Variants in ZYG11B observed in about 807,000 individuals in gnomAD.
ZYG11B encodes zyg-11 family member B, cell cycle regulator.
In ZYG11B, 36 loss-of-function variants were observed where a neutral mutation model predicts 82.4. The observed-to-expected ratio is 0.44, with a 90% CI of 0.33 to 0.58. The LOEUF (loss-of-function observed/expected upper bound fraction) is 0.58, where lower values mean the gene tolerates loss of function less well. ZYG11B is among the 20% of genes least tolerant of loss of function. ZYG11B has a pLI of 0.02. For missense variants in ZYG11B, 552 were observed against 895.6 expected, an observed-to-expected ratio of 0.62 and a Z score of 4.90; for synonymous variants, 303 against 312.8, an observed-to-expected ratio of 0.97 and a Z score of 0.33.
intron 1 of ZYG11B, among the ~76,000 whole-genome samples, chr1:52,749,878 G>T (rs1032503736): frequency 1.3e-5 from 2 of 152,028 alleles, no homozygotes; most frequent in Non-Finnish European, 2.9e-5. Context: ...ATACAGAGTT[G>T]ATATTTCCCT....
chr1:52,742,890 G>T (rs7542570), intron 1 of ZYG11B, among the ~76,000 whole-genome samples: 49,537 of 150,654 alleles, frequency 0.33, 9,903 homozygotes, highest in Admixed American at 0.46. Flanking sequence ...TAAAAGTTCT[G>T]GGGGGCAGCC....
Position 52,790,579 on chromosome 1 carries a change from G to T in ZYG11B, c.1334+512G>T, listed in dbSNP as rs367713902. 1.4e-4 allele frequency among the ~76,000 whole-genome samples: 21 copies of T among 152,182 alleles called. No individual in the cohort carries two copies. In the East Asian group the frequency reaches 2.9e-3, roughly 21 times the overall value. On this transcript the variant is annotated intron_variant, in intron 6 of 13. Coordinates refer to ENST00000294353, the MANE Select transcript of ZYG11B (RefSeq NM_024646.3). ...TACTAAAGATACAAAAAATTAGCCAGGTGTGGTGGCGCACGCCTGGAATCC... is the reference window on the plus strand; with the variant it reads ...TACTAAAGATACAAAAAATTAGCCATGTGTGGTGGCGCACGCCTGGAATCC...
intron 3 of ZYG11B, among the ~76,000 whole-genome samples, chr1:52,776,229 A>AAAAAAAAAATATATACATATATAT: frequency 8.5e-5 from 2 of 23,536 alleles, no homozygotes; most frequent in Admixed American, 8.1e-4. Flanking sequence ...TAAAAAAAAA[A>AAAAAAAAAATATATACATATATAT]ATATATATAT....
At position 52,821,827 on chromosome 1, in the gene ZYG11B, G is replaced by T. The variant is rs2149970012; in HGVS notation, c.*198G>T. Reference sequence around the variant, plus strand: ...GATTTTAAACTTATGAGTCAAGAAGGGTCTCTTCCTTTATCATTGCCTTTT... The same window carrying T: ...GATTTTAAACTTATGAGTCAAGAAGTGTCTCTTCCTTTATCATTGCCTTTT... On this transcript the variant is annotated 3_prime_UTR_variant, in exon 14 of 14. Transcript: ENST00000294353. 4.6e-6 allele frequency: 2 copies of T among 436,642 alleles called. No individual in the cohort carries two copies. The highest frequency in any genetic ancestry group is 8.0e-6 in the Non-Finnish European group (2 of 250,914). 27.0% of individuals were successfully genotyped at this position (436,642 alleles called of 1,614,324 possible). A position where few individuals can be genotyped will look rare whatever the true frequency, so the allele number is the denominator to read the frequency against.
intron 5 of ZYG11B, among the ~76,000 whole-genome samples, chr1:52,789,377 G>A (rs1644937326): frequency 6.6e-6 from 1 of 151,966 alleles, no homozygotes; most frequent in African/African-American, 2.4e-5. Context: ...AAAAATTTTA[G>A]TAGTATATAC....
intron 4 of ZYG11B, among the ~76,000 whole-genome samples, chr1:52,783,805 T>TAC (rs144122989): frequency 4.6e-4 from 62 of 135,014 alleles, no homozygotes; most frequent in African/African-American, 1.6e-3. Flanking sequence ...TATATATATA[T>TAC]ACACACACAC....
intron 10 of ZYG11B, among the ~76,000 whole-genome samples, chr1:52,813,035 G>A (rs552022107): frequency 2.0e-5 from 3 of 152,126 alleles, no homozygotes; most frequent in East Asian, 1.9e-4. Context: ...TTTACCCTAC[G>A]GTTCATATAT....
At chr1:52,773,789 C>T (rs1010349575) in intron 3 of ZYG11B, among the ~76,000 whole-genome samples, 1 of 150,514 alleles carries the variant, frequency 6.6e-6, no homozygotes, top group African/African-American at 2.4e-5. Flanking sequence ...ACTATAGGCA[C>T]ACACCACCAT....
At chr1:52,796,960 TA>T (rs1645017046) in intron 8 of ZYG11B, among the ~76,000 whole-genome samples, 176 bp downstream of exon 8, 1 of 86,650 alleles carries the variant, frequency 1.2e-5, no homozygotes, top group Admixed American at 1.9e-4. Flanking sequence ...AATTATATAT[TA>T]TATATAATAT....
intron 1 of ZYG11B, among the ~76,000 whole-genome samples, chr1:52,753,467 T>A (rs1477826199): frequency 1.3e-5 from 2 of 150,966 alleles, no homozygotes; most frequent in African/African-American, 4.9e-5. Flanking sequence ...TCACCCAGGC[T>A]GGCGTGCAAT....
At chr1:52,789,894 T>G in intron 5 of ZYG11B, 109 bp from the exon 6 acceptor site, 2 of 678,334 alleles carry the variant, frequency 2.9e-6, no homozygotes, top group Non-Finnish European at 4.6e-6. Context: ...AAGAAATAAC[T>G]GGTGTTTCAT....
At chr1:52,814,234 T>A (rs1645206041) in intron 12 of ZYG11B, among the ~76,000 whole-genome samples, 1 of 152,234 alleles carries the variant, frequency 6.6e-6, no homozygotes, top group Non-Finnish European at 1.5e-5. Context: ...TTGGCCAGGC[T>A]GGTCTTGAAC....
intron 1 of ZYG11B, among the ~76,000 whole-genome samples, chr1:52,753,967 G>A (rs1644548937): frequency 6.6e-6 from 1 of 151,764 alleles, no homozygotes; most frequent in Admixed American, 6.6e-5. Flanking sequence ...CTGACCTTAG[G>A]TGATCTGTCT....
At chr1:52,741,630 A>G (rs1644432531) in intron 1 of ZYG11B, among the ~76,000 whole-genome samples, 2 of 152,194 alleles carry the variant, frequency 1.3e-5, no homozygotes, top group African/African-American at 4.8e-5. Context: ...TGTAGTAGGC[A>G]TTGTTTTAGG....
chr1:52,742,994 C>G (rs983855608), intron 1 of ZYG11B, among the ~76,000 whole-genome samples: 1 of 151,448 alleles, frequency 6.6e-6, no homozygotes, highest in Non-Finnish European at 1.5e-5. Context: ...CGCCTCTGCC[C>G]GGCCGCCCCG....
intron 4 of ZYG11B, among the ~76,000 whole-genome samples, chr1:52,783,894 ACGTG>A (rs1433963731): frequency 0.098 from 14,714 of 149,612 alleles, 1,834 homozygotes; most frequent in East Asian, 0.34. Flanking sequence ...ATGTACATAC[ACGTG>A]TGTGTATATA....
chr1:52,734,581 C>T (rs1360803197), intron 1 of ZYG11B, among the ~76,000 whole-genome samples: 5 of 149,432 alleles, frequency 3.3e-5, no homozygotes, highest in Non-Finnish European at 5.9e-5. Context: ...ACCTGGGAGG[C>T]GGAGGTTGCA....
intron 2 of ZYG11B, among the ~76,000 whole-genome samples, chr1:52,768,519 C>T (rs1190837937): frequency 2.0e-5 from 3 of 152,064 alleles, no homozygotes; most frequent in Admixed American, 6.6e-5. Flanking sequence ...ATTTCCTAAC[C>T]CCGTGATATG....
At chr1:52,773,449 G>A (rs1167436572) in intron 3 of ZYG11B, among the ~76,000 whole-genome samples, 3 of 148,740 alleles carry the variant, frequency 2.0e-5, no homozygotes, top group African/African-American at 7.5e-5. Flanking sequence ...ACTCAAGCCT[G>A]GGTGACAGCG....
Sources: gnomAD v4.1 joint callset for allele counts (sites outside exome capture counted in the v4.1 genomes callset) on GRCh38, gnomAD v4.1.1 for gene constraint, MANE v1.5 for transcripts, NCBI Gene and HGNC (gene_info 2026-07-23, HGNC 2026-07-21) for gene names.